Variants in SYNPR observed in about 807,000 individuals in gnomAD.
The protein encoded by SYNPR is synaptoporin.
A neutral mutation model predicts 32.9 loss-of-function variants in SYNPR; 23 were observed. The ratio of observed to expected loss-of-function variants is 0.70; its 90% CI spans 0.50 to 0.99. The LOEUF is 0.99. Among genes scored for constraint, SYNPR ranks in the 50% least tolerant of loss-of-function variants. The pLI is 0.00. For synonymous variants in SYNPR, 146 were observed against 135.9 expected (o/e 1.07, Z -0.52); for missense variants, 318 against 349.3 (o/e 0.91, Z 0.71).
chr3:63,200,635 C>G, the SYNPR span, among the ~76,000 whole-genome samples: 1 of 152,146 alleles, frequency 6.6e-6, no homozygotes, highest in South Asian at 2.1e-4. Context: ...CAAAGAAACT[C>G]ATCCAAAGTT....
intron 2 of SYNPR, among the ~76,000 whole-genome samples, chr3:63,311,171 C>T (rs1489605012): frequency 6.6e-6 from 1 of 151,882 alleles, no homozygotes; most frequent in Admixed American, 6.6e-5. Flanking sequence ...ATGATTTTCC[C>T]TTTAATATCT....
chr3:63,530,680 G>A (rs1702096456), intron 3 of SYNPR, among the ~76,000 whole-genome samples: 2 of 152,062 alleles, frequency 1.3e-5, no homozygotes, highest in South Asian at 4.2e-4. Context: ...GAAGCTCTGC[G>A]GTGGGCACTA....
chr3:63,440,141 A>C (rs535604899), intron 2 of SYNPR, among the ~76,000 whole-genome samples: 1 of 152,268 alleles, frequency 6.6e-6, no homozygotes, highest in Non-Finnish European at 1.5e-5. Flanking sequence ...GTTGGGGAAG[A>C]AAGACCCTCT....
At chr3:63,345,827 T>A (rs970611456) in intron 2 of SYNPR, among the ~76,000 whole-genome samples, 3 of 152,206 alleles carry the variant, frequency 2.0e-5, no homozygotes, top group Non-Finnish European at 4.4e-5. Flanking sequence ...GAACTTTTTT[T>A]TTTTTGAGAT....
intron 2 of SYNPR, among the ~76,000 whole-genome samples, chr3:63,407,043 G>C (rs527730953): frequency 6.6e-6 from 1 of 152,136 alleles, no homozygotes; most frequent in African/African-American, 2.4e-5. Context: ...CTTATAATTG[G>C]AGGATTGAAA....
chr3:63,450,109 G>C (rs1417940703), intron 2 of SYNPR, among the ~76,000 whole-genome samples: 2 of 152,172 alleles, frequency 1.3e-5, no homozygotes, highest in Non-Finnish European at 2.9e-5. Flanking sequence ...CTACAGGCTT[G>C]GCTTTCTTAC....
At chr3:63,285,705 G>A (rs2086674031) in intron 2 of SYNPR, among the ~76,000 whole-genome samples, 1 of 152,014 alleles carries the variant, frequency 6.6e-6, no homozygotes, top group Non-Finnish European at 1.5e-5. Flanking sequence ...AAGAGAAAAG[G>A]GTCAGGAATG....
At chr3:63,429,697 T>G (rs560609728) in intron 2 of SYNPR, among the ~76,000 whole-genome samples, 4 of 152,236 alleles carry the variant, frequency 2.6e-5, no homozygotes, top group African/African-American at 7.2e-5. Context: ...ACATTGCTCT[T>G]TGCCAGAATG....
chr3:63,328,844 T>G (rs1198848085), intron 2 of SYNPR, among the ~76,000 whole-genome samples: 1 of 152,182 alleles, frequency 6.6e-6, no homozygotes, highest in Non-Finnish European at 1.5e-5. Context: ...CTTCTACCTT[T>G]TATTGATTAT....
chr3:63,456,360 A>C (rs975529828), intron 2 of SYNPR, among the ~76,000 whole-genome samples: 1 of 152,126 alleles, frequency 6.6e-6, no homozygotes, highest in Non-Finnish European at 1.5e-5. Flanking sequence ...ATTCTGTTGC[A>C]TCAGTACCTT....
intron 2 of SYNPR, among the ~76,000 whole-genome samples, chr3:63,446,779 C>T (rs768287201): frequency 7.9e-5 from 12 of 152,098 alleles, no homozygotes; most frequent in Non-Finnish European, 1.6e-4. Flanking sequence ...ACAAAAACCA[C>T]CCACCACAAA....
intron 2 of SYNPR, among the ~76,000 whole-genome samples, chr3:63,348,769 C>G (rs900544894): frequency 4.6e-5 from 7 of 152,106 alleles, no homozygotes; most frequent in Non-Finnish European, 1.0e-4. Flanking sequence ...TTCTCAGCAC[C>G]ATTTATTGAA....
At chr3:63,281,358 C>T (rs1575584906) in intron 2 of SYNPR, among the ~76,000 whole-genome samples, 1 of 152,276 alleles carries the variant, frequency 6.6e-6, no homozygotes, top group East Asian at 1.9e-4. Flanking sequence ...GCTGCAATTT[C>T]CCCATGCTGT....
At chr3:63,280,715 T>C (rs2086623040) in intron 2 of SYNPR, among the ~76,000 whole-genome samples, 2 of 137,192 alleles carry the variant, frequency 1.5e-5, no homozygotes, top group South Asian at 4.7e-4. Context: ...GCTCCCCCCC[T>C]TGGGGGAGGG....
chr3:63,310,078 C>G (rs995611692), intron 2 of SYNPR, among the ~76,000 whole-genome samples: 1 of 151,842 alleles, frequency 6.6e-6, no homozygotes, highest in Non-Finnish European at 1.5e-5. Context: ...AGAGCTACCC[C>G]CTACCAAGCC....
At chr3:63,582,423 G>A (rs910382789) in intron 4 of SYNPR, among the ~76,000 whole-genome samples, 8 of 151,988 alleles carry the variant, frequency 5.3e-5, no homozygotes, top group African/African-American at 1.9e-4. Flanking sequence ...ATCATATGGT[G>A]TCCCCATAGC....
intron 1 of SYNPR, among the ~76,000 whole-genome samples, chr3:63,248,742 G>A (rs1453306708): frequency 2.6e-5 from 4 of 152,102 alleles, no homozygotes; most frequent in Admixed American, 2.6e-4. Flanking sequence ...AATCCATTGT[G>A]CTAATTAGTT....
chr3:63,319,709 T>C (rs1206329388), intron 2 of SYNPR, among the ~76,000 whole-genome samples: 1 of 152,008 alleles, frequency 6.6e-6, no homozygotes, highest in Non-Finnish European at 1.5e-5. Context: ...TAAAACAATC[T>C]ACAGAGTCAA....
intron 2 of SYNPR, among the ~76,000 whole-genome samples, chr3:63,315,749 G>T (rs1485921452): frequency 6.6e-6 from 1 of 151,892 alleles, no homozygotes; most frequent in Non-Finnish European, 1.5e-5. Context: ...TTGTCTGATT[G>T]CTCTGGCTAG....
Sources: gnomAD v4.1 joint callset for allele counts (sites outside exome capture counted in the v4.1 genomes callset) on GRCh38, gnomAD v4.1.1 for gene constraint, MANE v1.5 for transcripts, NCBI Gene and HGNC (gene_info 2026-07-23, HGNC 2026-07-21) for gene names.